TEX2: variants seen among roughly 807,000 people sequenced by gnomAD.
TEX2 encodes the protein testis expressed 2.
In TEX2, 53 loss-of-function variants were observed where a neutral mutation model predicts 106.9. The ratio of observed to expected loss-of-function variants is 0.50; its 90% CI spans 0.40 to 0.62. The LOEUF is 0.62. Ranked by LOEUF, TEX2 falls within the 20% of genes least tolerant of loss-of-function variation. The pLI, the probability that TEX2 is intolerant of heterozygous loss-of-function variation, is 0.00. For synonymous variants in TEX2, 523 were observed against 534.8 expected, an observed-to-expected ratio of 0.98 and a Z score of 0.30; for missense variants, 1,207 against 1,379.0, an observed-to-expected ratio of 0.88 and a Z score of 1.98.
At chr17:64,180,364 G>A (rs1233481577) in intron 5 of TEX2, among the ~76,000 whole-genome samples, 2 of 152,202 alleles carry the variant, frequency 1.3e-5, no homozygotes, top group Non-Finnish European at 2.9e-5. Context: ...CAAGCCAATG[G>A]CATATGATGT....
At chr17:64,179,421 CA>C (rs2031749373) in intron 5 of TEX2, among the ~76,000 whole-genome samples, 1 of 152,240 alleles carries the variant, frequency 6.6e-6, no homozygotes, top group South Asian at 2.1e-4. Flanking sequence ...CCCTAGCCAG[CA>C]GCAGCGGCAA....
intron 2 of TEX2, among the ~76,000 whole-genome samples, chr17:64,209,751 C>T (rs959555711): frequency 6.6e-6 from 1 of 152,184 alleles, no homozygotes; most frequent in Non-Finnish European, 1.5e-5. Context: ...AGCACATATA[C>T]GCTAACTGAA....
intron 11 of TEX2, 72 bp from the exon 12 acceptor site, chr17:64,149,163 T>C: frequency 6.5e-7 from 1 of 1,549,884 alleles, no homozygotes. Flanking sequence ...TTTGTTCTGA[T>C]AATTTTAGGG....
intron 7 of TEX2, among the ~76,000 whole-genome samples, chr17:64,164,255 T>C (rs1384154443): frequency 3.9e-5 from 6 of 152,098 alleles, no homozygotes; most frequent in African/African-American, 9.7e-5. Context: ...CTGGCCATCA[T>C]GGTGAAACCT....
chr17:64,211,495 T>C (rs536743433), intron 2 of TEX2, among the ~76,000 whole-genome samples: 9 of 152,246 alleles, frequency 5.9e-5, no homozygotes, highest in African/African-American at 1.9e-4. Context: ...ATTGAAAATA[T>C]GAAATTAAAA....
intron 5 of TEX2, among the ~76,000 whole-genome samples, chr17:64,184,228 T>A (rs2031990123): frequency 6.6e-6 from 1 of 152,144 alleles, no homozygotes; most frequent in African/African-American, 2.4e-5. Flanking sequence ...TCTGAGTAGC[T>A]GGGACTGCAG....
rs754643275 is a variant in TEX2 at position 64,193,806 on chromosome 17, A to G, written c.1929T>C (p.Asp643=). 32 of 1,608,604 alleles carry G rather than the reference A, an allele frequency of 2.0e-5. No individual in the cohort carries two copies. Among genetic ancestry groups the G allele is most frequent in the Admixed American group, 5.0e-5 (3 of 59,470 alleles). The change falls in exon 4 of 12, where the codon GAT becomes GAC. Residue 643 remains aspartate (D), a synonymous_variant. Transcript: ENST00000584379. Reference sequence around the variant, plus strand: ...CAGTCTGAGCTTTAGACATAAAGTCATCTTGCTGACCAAGCTCGATACAAA... The same window carrying G: ...CAGTCTGAGCTTTAGACATAAAGTCGTCTTGCTGACCAAGCTCGATACAAA... ...YPICIELGQQ[D]DFMSKAQTDK...
At chr17:64,260,206 G>A (rs1179172027) in intron 1 of TEX2, among the ~76,000 whole-genome samples, 1 of 152,200 alleles carries the variant, frequency 6.6e-6, no homozygotes, top group Non-Finnish European at 1.5e-5. Flanking sequence ...GCTCATTAGT[G>A]CAGCAATTCT....
At chr17:64,151,119 G>A (rs866531704) in intron 10 of TEX2, among the ~76,000 whole-genome samples, 158 bp from the exon 11 acceptor site, 2 of 152,132 alleles carry the variant, frequency 1.3e-5, no homozygotes, top group East Asian at 1.9e-4. Context: ...CACAAAGTAT[G>A]AATTGTGAAC....
intron 7 of TEX2, among the ~76,000 whole-genome samples, chr17:64,164,490 A>T (rs995048075): frequency 6.6e-6 from 1 of 151,890 alleles, no homozygotes; most frequent in East Asian, 1.9e-4. Context: ...ATGTAGTAAG[A>T]CTTAGTCTGT....
intron 2 of TEX2, among the ~76,000 whole-genome samples, chr17:64,197,327 T>C (rs1338372647): frequency 2.6e-5 from 4 of 152,190 alleles, no homozygotes; most frequent in Non-Finnish European, 5.9e-5. Flanking sequence ...AGGTTATCTA[T>C]TTCTTCTTGA....
chr17:64,238,242 T>A (rs1419608828), intron 1 of TEX2, among the ~76,000 whole-genome samples: 3 of 152,264 alleles, frequency 2.0e-5, no homozygotes, highest in Non-Finnish European at 2.9e-5. Context: ...GAGGTTGCAG[T>A]GAGCCGAGAT....
Position 64,177,407 on chromosome 17 carries a change from C to A in TEX2, c.2489G>T (p.Arg830Ile). The change falls in exon 6 of 12, where the codon AGA becomes ATA. Residue 830 changes from arginine to isoleucine, a missense_variant. By Grantham distance (97) the Arg-to-Ile change is moderately conservative. This residue lies in a region of TEX2 where 1,067 missense variants were observed against 1,193.6 expected (regional missense o/e 0.89). Transcript: ENST00000584379. ...CTCTCCTAAGAAGTCCCAAAATATT[C>A]TTCCAAGCAAGGCATTCACCCAGGC... ...QEAWVNALLG[R>I]IFWDFLGEKY... The A allele has an allele frequency of 1.2e-6, 2 of 1,614,204 alleles. No homozygotes were observed. Among genetic ancestry groups the A allele is most frequent in the Non-Finnish European group, 1.7e-6 (2 of 1,180,032 alleles).
intron 1 of TEX2, among the ~76,000 whole-genome samples, chr17:64,257,317 C>CTTTTTTTTTTTTTTTTTTTTTTTTTTTTT (rs2034202369): frequency 6.6e-6 from 1 of 152,208 alleles, no homozygotes; most frequent in Non-Finnish European, 1.5e-5. Context: ...TGGCACATGG[C>CTTTTTTTTTTTTTTTTTTTTTTTTTTTTT]TTTTGTTCAC....
chr17:64,162,868 A>G (rs530116112), intron 7 of TEX2, among the ~76,000 whole-genome samples: 1 of 152,284 alleles, frequency 6.6e-6, no homozygotes, highest in Admixed American at 6.5e-5. Flanking sequence ...CAGTCTGACC[A>G]GGCAGCCTCC....
chr17:64,237,188 T>C (rs1301597334), intron 1 of TEX2, among the ~76,000 whole-genome samples: 1 of 151,922 alleles, frequency 6.6e-6, no homozygotes, highest in Non-Finnish European at 1.5e-5. Context: ...GGCTAAGTGA[T>C]GGCAGCGTGG....
At chr17:64,244,439 A>G (rs2033950450) in intron 1 of TEX2, among the ~76,000 whole-genome samples, 1 of 152,214 alleles carries the variant, frequency 6.6e-6, no homozygotes, top group Non-Finnish European at 1.5e-5. Context: ...TGTCCAGAGC[A>G]GGCTTTGACA....
intron 5 of TEX2, among the ~76,000 whole-genome samples, chr17:64,180,901 A>G (rs2031825182): frequency 6.6e-6 from 1 of 152,178 alleles, no homozygotes; most frequent in African/African-American, 2.4e-5. Context: ...TTTCTATTAC[A>G]AAGAGTGTGT....
chr17:64,148,693 A>G lies in TEX2; in HGVS notation c.*276T>C, dbSNP rs980737413. On this transcript the variant is annotated 3_prime_UTR_variant, in exon 12 of 12. Coordinates refer to ENST00000584379, the MANE Select transcript of TEX2 (RefSeq NM_001288732.2). ...AAACATGGGTAGACTTTTAAAAGCCATGGTGTGGGTCACGTATAACTTCTG... is the reference window on the plus strand; with the variant it reads ...AAACATGGGTAGACTTTTAAAAGCCGTGGTGTGGGTCACGTATAACTTCTG... 2.4e-5 allele frequency: 9 copies of G among 375,798 alleles called. No individual in the cohort carries two copies. Among genetic ancestry groups the G allele is most frequent in the African/African-American group, 1.7e-4 (8 of 47,762 alleles). The allele number at this position is 375,798 out of a possible 1,614,324, so 23.3% of individuals were successfully genotyped here.
Sources: allele counts gnomAD v4.1 joint callset (sites outside exome capture counted in the v4.1 genomes callset), GRCh38; gene constraint gnomAD v4.1.1; regional missense constraint gnomAD v4.1.1; transcripts MANE v1.5; gene names NCBI Gene and HGNC (gene_info 2026-07-23, HGNC 2026-07-21).